PRKG1: variants seen among roughly 807,000 people sequenced by gnomAD.
PRKG1 encodes cGMP-dependent protein kinase 1.
Under a neutral mutation model 88.1 loss-of-function variants are expected in PRKG1, and 35 were observed. The ratio of observed to expected loss-of-function variants is 0.40; its 90% CI spans 0.30 to 0.53. The LOEUF is 0.53. PRKG1 is among the 20% of genes least tolerant of loss of function. The pLI is 0.59. For missense variants in PRKG1, 540 were observed against 839.8 expected (o/e 0.64, Z 4.41); for synonymous variants, 303 against 292.5 (o/e 1.04, Z -0.37).
At chr10:51,420,173 G>A (rs1029319879) in intron 2 of PRKG1, among the ~76,000 whole-genome samples, 2 of 152,024 alleles carry the variant, frequency 1.3e-5, no homozygotes, top group African/African-American at 2.4e-5. Flanking sequence ...AAGTTGAAGC[G>A]GGAGCAGGCA....
At chr10:51,513,528 A>C (rs1841483446) in intron 3 of PRKG1, among the ~76,000 whole-genome samples, 1 of 110,378 alleles carries the variant, frequency 9.1e-6, no homozygotes, top group Non-Finnish European at 1.9e-5. Context: ...TCCACCTCAA[A>C]TCAACAGAAT....
chr10:51,324,236 G>C lies in PRKG1; in HGVS notation c.479-143487G>C, dbSNP rs35225050. Among the ~76,000 whole-genome samples, 885 of 152,076 alleles carry C rather than the reference G, an allele frequency of 5.8e-3. 7 individuals are homozygous for C. The highest frequency in any genetic ancestry group is 0.02 in the African/African-American group (818 of 41,488). ...TTATTTTTGTACCCATTAACCAACTGTTCTTCATTCCCCATCCTTCCTTTC... is the reference window on the plus strand; with the variant it reads ...TTATTTTTGTACCCATTAACCAACTCTTCTTCATTCCCCATCCTTCCTTTC... On this transcript the variant is annotated intron_variant, in intron 2 of 17. Coordinates refer to ENST00000373980, the MANE Select transcript of PRKG1 (RefSeq NM_006258.4).
intron 2 of PRKG1, among the ~76,000 whole-genome samples, chr10:51,163,798 A>T (rs1002325111): frequency 7.2e-5 from 11 of 152,178 alleles, no homozygotes; most frequent in Admixed American, 3.3e-4. Flanking sequence ...GATTGCTAGC[A>T]CAGCAGTCTG....
chr10:51,440,330 G>A (rs1839064739), intron 2 of PRKG1, among the ~76,000 whole-genome samples: 1 of 151,848 alleles, frequency 6.6e-6, no homozygotes, highest in Non-Finnish European at 1.5e-5. Context: ...CAGAAGAGAT[G>A]CACATTCAGT....
At chr10:52,251,766 A>G (rs1841178130) in intron 10 of PRKG1, 100 bp downstream of exon 10, 5 of 978,330 alleles carry the variant, frequency 5.1e-6, no homozygotes, top group East Asian at 2.5e-5. Flanking sequence ...TTTGTCTTTC[A>G]TCATTAATTA....
intron 3 of PRKG1, among the ~76,000 whole-genome samples, chr10:51,490,106 C>G (rs543258774): frequency 1.3e-5 from 2 of 152,180 alleles, no homozygotes; most frequent in African/African-American, 4.8e-5. Flanking sequence ...TATCCAGACA[C>G]AATTATATCA....
chr10:51,432,235 C>T (rs1403445568), intron 2 of PRKG1, among the ~76,000 whole-genome samples: 1 of 152,092 alleles, frequency 6.6e-6, no homozygotes. Flanking sequence ...TAATGTGAGA[C>T]TGAAATGTAT....
intron 3 of PRKG1, among the ~76,000 whole-genome samples, chr10:51,534,206 G>A (rs1031040966): frequency 2.0e-5 from 3 of 152,056 alleles, no homozygotes; most frequent in Non-Finnish European, 2.9e-5. Context: ...TTGTGCAGGT[G>A]TATTTGTTCA....
chr10:52,206,534 G>A (rs1256667666), intron 9 of PRKG1, among the ~76,000 whole-genome samples: 1 of 152,198 alleles, frequency 6.6e-6, no homozygotes, highest in Non-Finnish European at 1.5e-5. Context: ...CTCAACTGTG[G>A]AAGGTGATGT....
rs34730000 is a variant in PRKG1, at chr10:52,193,548, C to CAA, written c.1076+31598_1076+31599dup. ...GAACAAAAAGAGTGAGACTCTGTCT[C>CAA]AAAAAAAAAAAAAACAAAAAAAAAA... On this transcript the variant is annotated intron_variant, in intron 9 of 17. Transcript: ENST00000373980. Among the ~76,000 whole-genome samples, 229 of 42,732 alleles carry CAA rather than the reference C, an allele frequency of 5.4e-3. 4 individuals are homozygous for CAA. The highest frequency in any genetic ancestry group is 0.012 in the African/African-American group (166 of 13,490). The allele number at this position is 42,732 out of a possible 152,430, so 28.0% of individuals were successfully genotyped here. A position where few individuals can be genotyped will look rare whatever the true frequency, so the allele number is the denominator to read the frequency against.
At chr10:51,643,079 A>AT (rs961047986) in intron 3 of PRKG1, among the ~76,000 whole-genome samples, 15 of 151,820 alleles carry the variant, frequency 9.9e-5, no homozygotes, top group East Asian at 1.9e-4. Flanking sequence ...AGACACTGTG[A>AT]TTTTTTTTAA....
intron 2 of PRKG1, among the ~76,000 whole-genome samples, chr10:51,420,402 G>A (rs192297685): frequency 2.6e-5 from 4 of 152,062 alleles, no homozygotes; most frequent in African/African-American, 9.7e-5. Context: ...CTTATTTCTA[G>A]CAAACTCCCA....
At chr10:51,405,434 A>G (rs1274040829) in intron 2 of PRKG1, among the ~76,000 whole-genome samples, 1 of 152,242 alleles carries the variant, frequency 6.6e-6, no homozygotes, top group African/African-American at 2.4e-5. Context: ...GTCAAATAAA[A>G]GAGATAGCCA....
intron 4 of PRKG1, among the ~76,000 whole-genome samples, chr10:51,824,412 A>T (rs1839832446): frequency 1.3e-5 from 2 of 150,946 alleles, no homozygotes; most frequent in Admixed American, 1.3e-4. Context: ...AACTTTTTTC[A>T]TCTGGCTTTA....
At chr10:51,859,897 T>C (rs953622128) in intron 4 of PRKG1, among the ~76,000 whole-genome samples, 1 of 152,180 alleles carries the variant, frequency 6.6e-6, no homozygotes, top group African/African-American at 2.4e-5. Flanking sequence ...TTAAGCTCCT[T>C]AGATCAGGGA....
At chr10:52,016,729 A>AG (rs1491322717) in intron 5 of PRKG1, among the ~76,000 whole-genome samples, 3 of 152,214 alleles carry the variant, frequency 2.0e-5, no homozygotes, top group Non-Finnish European at 4.4e-5. Flanking sequence ...AGTGAAAAAA[A>AG]GAGAGTCCTT....
intron 2 of PRKG1, among the ~76,000 whole-genome samples, chr10:51,284,934 G>T: frequency 8.8e-6 from 1 of 113,334 alleles, no homozygotes; most frequent in African/African-American, 3.4e-5. Flanking sequence ...TAGGGTACAT[G>T]TGCACATTGT....
chr10:52,176,359 G>T (rs1250932522), intron 9 of PRKG1, among the ~76,000 whole-genome samples: 3 of 151,372 alleles, frequency 2.0e-5, no homozygotes, highest in Non-Finnish European at 4.4e-5. Flanking sequence ...TCTCTAGTCT[G>T]GTCTATTTTT....
chr10:51,255,112 G>A (rs1300695966), intron 2 of PRKG1, among the ~76,000 whole-genome samples: 1 of 151,992 alleles, frequency 6.6e-6, no homozygotes, highest in Non-Finnish European at 1.5e-5. Context: ...TCAATATTAA[G>A]TGCCAAGTAT....
Sources: gnomAD v4.1 joint callset for allele counts (sites outside exome capture counted in the v4.1 genomes callset) on GRCh38, gnomAD v4.1.1 for gene constraint, MANE v1.5 for transcripts, NCBI Gene and HGNC (gene_info 2026-07-23, HGNC 2026-07-21) for gene names.